Variants in TENM1 observed in about 807,000 individuals in gnomAD.
The protein encoded by TENM1 is teneurin transmembrane protein 1.
A neutral mutation model predicts 174.8 loss-of-function variants in TENM1; 35 were observed. That is an observed-to-expected ratio of 0.20 (90% CI 0.15 to 0.27). The LOEUF is 0.27. Among genes scored for constraint, TENM1 ranks in the 10% least tolerant of loss-of-function variants. The probability of loss-of-function intolerance (pLI) is 1.00; values close to 1 mark genes in which losing one functional copy is unlikely to be tolerated. For synonymous variants in TENM1, 781 were observed against 798.7 expected (o/e 0.98, Z 0.37); for missense variants, 1,633 against 2,130.1 (o/e 0.77, Z 4.59).
At chrX:124,827,435 A>T (rs2056191231) in intron 3 of TENM1, among the ~76,000 whole-genome samples, 1 of 111,982 alleles carries the variant, frequency 8.9e-6, no homozygotes, top group Admixed American at 9.5e-5. Flanking sequence ...AGGAAGTGTA[A>T]ATACTGCTCA....
chrX:124,777,003 G>A (rs1368177214), intron 3 of TENM1, among the ~76,000 whole-genome samples: 1 of 110,713 alleles, frequency 9.0e-6, no homozygotes, highest in African/African-American at 3.3e-5. Context: ...ATTTATTTTT[G>A]GTTTTTGTAT....
intron 11 of TENM1, among the ~76,000 whole-genome samples, chrX:124,591,446 G>A (rs905968973): frequency 1.8e-5 from 2 of 111,810 alleles, no homozygotes; most frequent in Non-Finnish European, 3.8e-5. Context: ...GTGCTTGCTT[G>A]TCTGGAAAAG....
chrX:125,116,707 C>T, the TENM1 span, among the ~76,000 whole-genome samples: 891 of 112,090 alleles, frequency 7.9e-3, 7 homozygotes, highest in African/African-American at 0.026. Context: ...GTTAGAATGG[C>T]GATCATTAAA....
the TENM1 span, among the ~76,000 whole-genome samples, chrX:125,139,858 GGAGAGAGAGAGA>G: frequency 3.3e-5 from 3 of 89,882 alleles, no homozygotes; most frequent in East Asian, 3.6e-4. Flanking sequence ...ACACACACAC[GGAGAGAGAGAGA>G]GAGAGAGAGA....
chrX:124,726,672 T>G (rs867302651), intron 4 of TENM1, among the ~76,000 whole-genome samples: 1 of 109,056 alleles, frequency 9.2e-6, no homozygotes, highest in Admixed American at 9.6e-5. Flanking sequence ...ATTTTGAGAT[T>G]TTTTTTCTCC....
chrX:124,803,492 T>C (rs1678821021), intron 3 of TENM1, among the ~76,000 whole-genome samples: 1 of 112,365 alleles, frequency 8.9e-6, no homozygotes, highest in South Asian at 3.7e-4. Flanking sequence ...TGCATATTCA[T>C]AGAGAGCTTT....
intron 11 of TENM1, among the ~76,000 whole-genome samples, chrX:124,573,347 G>A (rs1322975002): frequency 8.9e-6 from 1 of 111,750 alleles, no homozygotes; most frequent in Non-Finnish European, 1.9e-5. Context: ...ATAGACTGAG[G>A]ATAGTGGTTT....
At chrX:124,750,329 G>A (rs2054032003) in intron 3 of TENM1, among the ~76,000 whole-genome samples, 2 of 110,983 alleles carry the variant, frequency 1.8e-5, no homozygotes, top group Admixed American at 9.6e-5. Flanking sequence ...AATCATTTCT[G>A]GGGGGAAGAC....
the TENM1 span, among the ~76,000 whole-genome samples, chrX:125,036,056 C>T: frequency 1.8e-5 from 2 of 111,524 alleles, no homozygotes; most frequent in Non-Finnish European, 3.8e-5. Flanking sequence ...TTAAAATGCA[C>T]GCTCTCACTA....
At chrX:124,851,584 C>G (rs182913608) in intron 3 of TENM1, among the ~76,000 whole-genome samples, 6 of 110,633 alleles carry the variant, frequency 5.4e-5, no homozygotes, top group Non-Finnish European at 9.5e-5. Flanking sequence ...CATATTGGCT[C>G]AGAGCATAAT....
At chrX:125,083,751 T>C in the TENM1 span, among the ~76,000 whole-genome samples, 11 of 111,241 alleles carry the variant, frequency 9.9e-5, no homozygotes, top group African/African-American at 3.6e-4. Context: ...TATATCCACA[T>C]ATTGAAAATA....
At chrX:124,919,094 G>A in intron 1 of TENM1, among the ~76,000 whole-genome samples, 1 of 111,926 alleles carries the variant, frequency 8.9e-6, no homozygotes, top group Non-Finnish European at 1.9e-5. Flanking sequence ...TCTAAGCCTC[G>A]CTTTAGCCAA....
At chrX:124,391,055 G>A (rs1302717670) in intron 28 of TENM1, among the ~76,000 whole-genome samples, 1 of 111,815 alleles carries the variant, frequency 8.9e-6, no homozygotes, top group African/African-American at 3.3e-5. Flanking sequence ...CTGGGAACTA[G>A]TAACATGGTT....
At chrX:125,047,251 A>G in the TENM1 span, among the ~76,000 whole-genome samples, 9 of 111,813 alleles carry the variant, frequency 8.0e-5, no homozygotes, top group East Asian at 1.4e-3. Flanking sequence ...CCAGCACAAC[A>G]TAAGTGTTTG....
At chrX:124,480,676 T>A (rs758348584) in intron 22 of TENM1, among the ~76,000 whole-genome samples, 29 of 112,485 alleles carry the variant, frequency 2.6e-4, no homozygotes, top group East Asian at 1.4e-3. Context: ...TAAATTTTTT[T>A]ATTCTCCCTT....
chrX:125,018,851 G>T, the TENM1 span, among the ~76,000 whole-genome samples: 1 of 111,705 alleles, frequency 9.0e-6, no homozygotes, highest in Non-Finnish European at 1.9e-5. Context: ...ACAGATCTTA[G>T]CTTATCAGTT....
intron 4 of TENM1, among the ~76,000 whole-genome samples, chrX:124,722,819 G>A (rs1331825662): frequency 1.2e-5 from 1 of 84,802 alleles, no homozygotes. Flanking sequence ...CAGCCTGGGC[G>A]ACAGAGAGAG....
At chrX:125,108,703 A>C in the TENM1 span, among the ~76,000 whole-genome samples, 1 of 108,266 alleles carries the variant, frequency 9.2e-6, no homozygotes, top group African/African-American at 3.4e-5. Context: ...TCTCAAAAAA[A>C]AGGGCTTTAA....
At chrX:125,183,171 T>C in the TENM1 span, among the ~76,000 whole-genome samples, 1 of 112,275 alleles carries the variant, frequency 8.9e-6, no homozygotes, top group South Asian at 3.7e-4. Flanking sequence ...TTGTTGATAT[T>C]TTATTGCATT....
Sources: gnomAD v4.1 joint callset for allele counts (sites outside exome capture counted in the v4.1 genomes callset) on GRCh38, gnomAD v4.1.1 for gene constraint, MANE v1.5 for transcripts, NCBI Gene and HGNC (gene_info 2026-07-23, HGNC 2026-07-21) for gene names.